WDR36: variants seen among roughly 807,000 people sequenced by gnomAD.
WDR36 encodes WD repeat domain 36.
WDR36 carries 63 observed loss-of-function variants against 112.7 expected under a neutral mutation model. That is an observed-to-expected ratio of 0.56 (90% confidence interval 0.46 to 0.69). The LOEUF is 0.69. WDR36 is among the 30% of genes least tolerant of loss of function. The pLI is 0.00. For missense variants in WDR36, 1,226 were observed against 1,070.3 expected, an observed-to-expected ratio of 1.15 and a Z score of -2.03; for synonymous variants, 410 against 362.2, an observed-to-expected ratio of 1.13 and a Z score of -1.50.
In WDR36 at chr5:111,113,169, T is replaced by C; in HGVS notation, c.1796+16T>C. ...CTTCTGGGTGGTAAGTTTATATTTCTAATTCCCTAACCTCTATAAGATTTC... is the reference window on the plus strand; with the variant it reads ...CTTCTGGGTGGTAAGTTTATATTTCCAATTCCCTAACCTCTATAAGATTTC... On this transcript the variant is annotated intron_variant, in intron 16 of 22. Coordinates refer to ENST00000513710, the MANE Select transcript of WDR36 (RefSeq NM_139281.3). 2.0e-6 allele frequency: 3 copies of C among 1,473,516 alleles called. No homozygotes were observed. Among genetic ancestry groups the C allele is most frequent in the Non-Finnish European group, 2.8e-6 (3 of 1,058,610 alleles). The allele number at this position is 1,473,516 out of a possible 1,614,324, so 91.3% of individuals were successfully genotyped here.
chr5:111,120,549 A>T lies in WDR36; in HGVS notation c.1958A>T (p.Tyr653Phe). The part of the protein sequence containing the change: ...VVSLRPLPAD[Y>F]VPSIVMLPGT... ...TCATTACGGCCACTTCCTGCAGATT[A>T]TGTCCCTTCAATAGTCATGCTTCCT... The change falls in exon 18 of 23, where the codon TAT becomes TTT. Residue 653 changes from tyrosine to phenylalanine, a missense_variant. Physicochemically the swap from Tyr to Phe is conservative, Grantham distance 22 (BLOSUM62 3). Coordinates refer to ENST00000513710, the MANE Select transcript of WDR36 (RefSeq NM_139281.3). 1 of 1,613,164 alleles carries T rather than the reference A, an allele frequency of 6.2e-7. No homozygotes were observed. The highest frequency in any genetic ancestry group is 1.1e-5 in the South Asian group (1 of 91,062).
Position 111,097,215 on chromosome 5 carries a change from ATTTG to A in WDR36, c.291+42_291+45del, listed in dbSNP as rs1418794001. The A allele has an allele frequency of 5.3e-6, 8 of 1,498,430 alleles. No individual in the cohort carries two copies. The Admixed American group carries it at 6.7e-5, about 13-fold the overall frequency. The allele number at this position is 1,498,430 out of a possible 1,614,324, so 92.8% of individuals were successfully genotyped here. A position where few individuals can be genotyped will look rare whatever the true frequency, so the allele number is the denominator to read the frequency against. ...CTAAACTACTTGTTTGTCAGTCAGT[ATTTG>A]TTTGTCATGATAGTGGAGGGAACTT... is the stretch of plus-strand genomic sequence containing the variant. On this transcript the variant is annotated intron_variant, in intron 3 of 22. Coordinates refer to ENST00000513710, the MANE Select transcript of WDR36 (RefSeq NM_139281.3).
chr5:111,119,044 CCT>C lies in WDR36; in HGVS notation c.1832_1833del (p.Leu611GlnfsTer69). The stretch of plus-strand genomic sequence containing the variant: ...AGACTGCTTTTTGTTGGACTCGGCT[CCT>C]CTCAATGTTTCTATGTCTCCTACTG... ...LIDCFLLDSA[P>X]LNVSMSPTGD... On this transcript the variant is annotated frameshift_variant, in exon 17 of 23. Coordinates refer to ENST00000513710, the MANE Select transcript of WDR36 (RefSeq NM_139281.3). LOFTEE classifies it high-confidence loss of function. The C allele has an allele frequency of 6.2e-7, 1 of 1,613,564 alleles. No individual in the cohort carries two copies. The highest frequency in any genetic ancestry group is 2.2e-5 in the East Asian group (1 of 44,838).
chr5:111,097,311 T>C, intron 3 of WDR36, 132 bp downstream of exon 3: 1 of 688,496 alleles, frequency 1.5e-6, no homozygotes, highest in Non-Finnish European at 2.6e-6. Context: ...CTAATGTATA[T>C]TCAGTTTTCT....
chr5:111,113,943 C>T (rs1753402213), intron 16 of WDR36, among the ~76,000 whole-genome samples: 1 of 152,174 alleles, frequency 6.6e-6, no homozygotes, highest in East Asian at 1.9e-4. Context: ...CTTAAAGGCA[C>T]TCCCTCTCAA....
intron 5 of WDR36, among the ~76,000 whole-genome samples, chr5:111,100,922 T>C (rs1753109461): frequency 6.6e-6 from 1 of 151,924 alleles, no homozygotes; most frequent in Non-Finnish European, 1.5e-5. Flanking sequence ...TAAATAATAA[T>C]ACAACAATAA....
At chr5:111,114,307 G>A (rs1191789787) in intron 16 of WDR36, among the ~76,000 whole-genome samples, 3 of 152,132 alleles carry the variant, frequency 2.0e-5, no homozygotes, top group African/African-American at 7.2e-5. Context: ...GAGAAAGATA[G>A]GTGAGAAAAA....
chr5:111,112,623 G>C (rs1052323260), intron 15 of WDR36, among the ~76,000 whole-genome samples: 1 of 151,950 alleles, frequency 6.6e-6, no homozygotes, highest in Non-Finnish European at 1.5e-5. Flanking sequence ...GGTGGCATAA[G>C]TAGTTTATTT....
chr5:111,105,394 C>T (rs754902673), intron 10 of WDR36, 34 bp downstream of exon 10: 3 of 1,570,986 alleles, frequency 1.9e-6, no homozygotes, highest in Admixed American at 1.7e-5. Flanking sequence ...AAGCTGGTCA[C>T]GAAAGAAACA....
intron 1 of WDR36, among the ~76,000 whole-genome samples, chr5:111,094,055 C>A (rs916453015): frequency 1.3e-5 from 2 of 151,984 alleles, no homozygotes; most frequent in Non-Finnish European, 2.9e-5. Context: ...AGCTAATGAA[C>A]CTAAGTCACT....
At chr5:111,123,686 G>A (rs1475536263) in intron 19 of WDR36, 119 bp from the exon 20 acceptor site, 6 of 1,301,628 alleles carry the variant, frequency 4.6e-6, no homozygotes, top group Non-Finnish European at 6.4e-6. Context: ...ATTCTTATGT[G>A]AAAGAGTTTC....
chr5:111,129,570 T>C lies in WDR36; in HGVS notation c.*2687T>C. 4.9e-6 allele frequency: 1 copy of C among 203,804 alleles called. No individual in the cohort carries two copies. The highest frequency in any genetic ancestry group is 1.0e-5 in the Non-Finnish European group (1 of 99,408). The allele number at this position is 203,804 out of a possible 1,614,324, so 12.6% of individuals were successfully genotyped here. A position where few individuals can be genotyped will look rare whatever the true frequency, so the allele number is the denominator to read the frequency against. ...TTTTTCTATTGAATGATTTGTCCTT[T>C]TATCTCATGGATTTGTTAGGAGTTC... On this transcript the variant is annotated 3_prime_UTR_variant, in exon 23 of 23. Transcript: ENST00000513710.
chr5:111,115,572 G>T (rs1330892693), intron 16 of WDR36, among the ~76,000 whole-genome samples: 2 of 151,748 alleles, frequency 1.3e-5, no homozygotes, highest in African/African-American at 2.4e-5. Context: ...AGTATGAACT[G>T]ATTTGCTTGG....
chr5:111,104,403 G>A, intron 8 of WDR36, 51 bp downstream of exon 8: 2 of 1,607,422 alleles, frequency 1.2e-6, no homozygotes, highest in Non-Finnish European at 1.7e-6. Context: ...TTACCCTTTG[G>A]GTTATTACAA....
intron 12 of WDR36, among the ~76,000 whole-genome samples, chr5:111,108,508 T>A (rs1019158100): frequency 2.6e-5 from 4 of 151,352 alleles, no homozygotes; most frequent in African/African-American, 9.7e-5. Flanking sequence ...CTTAAGCTTT[T>A]ATATAATTTT....
intron 18 of WDR36, 98 bp downstream of exon 18, chr5:111,120,691 A>G: frequency 9.8e-7 from 1 of 1,022,510 alleles, no homozygotes; most frequent in Non-Finnish European, 1.5e-6. Flanking sequence ...CATTCAATCA[A>G]AGTGTTTTTT....
intron 11 of WDR36, among the ~76,000 whole-genome samples, 161 bp from the exon 12 acceptor site, chr5:111,107,133 A>G (rs1435198129): frequency 6.6e-6 from 1 of 151,542 alleles, no homozygotes; most frequent in Non-Finnish European, 1.5e-5. Flanking sequence ...TTTGTCAATT[A>G]AAAAATAATC....
At chr5:111,115,022 TATATC>T (rs146515589) in intron 16 of WDR36, among the ~76,000 whole-genome samples, 4,834 of 152,238 alleles carry the variant, frequency 0.032, 255 homozygotes, top group African/African-American at 0.11. Context: ...CTGAATTTCT[TATATC>T]AGTAAGAAGT....
At position 111,125,589 on chromosome 5, in the gene WDR36, G is replaced by A; in HGVS notation, c.2351-19G>A. 1 of 1,606,532 alleles carries A rather than the reference G, an allele frequency of 6.2e-7. No individual in the cohort carries two copies. The highest frequency in any genetic ancestry group is 1.1e-5 in the South Asian group (1 of 90,352). On this transcript the variant is annotated intron_variant, in intron 21 of 22. Coordinates refer to ENST00000513710, the MANE Select transcript of WDR36 (RefSeq NM_139281.3). ...AAATGATTATAATCAAGTCATAACT[G>A]GATTAAAATTTAATGCAGATGACAC...
Sources: gnomAD v4.1 joint callset for allele counts (sites outside exome capture counted in the v4.1 genomes callset) on GRCh38, gnomAD v4.1.1 for gene constraint, MANE v1.5 for transcripts, NCBI Gene and HGNC (gene_info 2026-07-23, HGNC 2026-07-21) for gene names.